The following DIAPH2 variants were observed in gnomAD, a reference collection of about 807,000 sequenced individuals.
DIAPH2 encodes protein diaphanous homolog 2.
DIAPH2 carries 35 observed loss-of-function variants against 92.7 expected under a neutral mutation model. That is an observed-to-expected ratio of 0.38 (90% CI 0.29 to 0.50). The LOEUF (loss-of-function observed/expected upper bound fraction) is 0.50. DIAPH2 is among the 20% of genes least tolerant of loss of function. DIAPH2 has a pLI of 0.94. For missense variants in DIAPH2, 701 were observed against 819.5 expected (o/e 0.86, Z 1.77); for synonymous variants, 301 against 280.4 (o/e 1.07, Z -0.73).
chrX:96,750,668 TTATA>T (rs2064181298), intron 3 of DIAPH2, among the ~76,000 whole-genome samples: 1 of 112,547 alleles, frequency 8.9e-6, no homozygotes, highest in East Asian at 2.8e-4. Flanking sequence ...GAAAAGTAGT[TTATA>T]TATGTCATTA....
chrX:96,893,865 C>T (rs1024490421), intron 5 of DIAPH2, among the ~76,000 whole-genome samples: 1 of 111,542 alleles, frequency 9.0e-6, no homozygotes, highest in Non-Finnish European at 1.9e-5. Context: ...CACTAGATAA[C>T]AGTATTTGCT....
chrX:97,054,704 A>C (rs1423908566), intron 17 of DIAPH2, among the ~76,000 whole-genome samples: 1 of 111,787 alleles, frequency 8.9e-6, no homozygotes, highest in Non-Finnish European at 1.9e-5. Context: ...GGTGCTATTA[A>C]GTTAATTTGG....
chrX:96,837,410 T>C (rs1159417691), intron 4 of DIAPH2, among the ~76,000 whole-genome samples: 5 of 62,518 alleles, frequency 8.0e-5, no homozygotes, highest in East Asian at 6.7e-4. Flanking sequence ...CCTCCCTCTC[T>C]CTCTCTCTCT....
intron 23 of DIAPH2, among the ~76,000 whole-genome samples, chrX:97,310,438 C>CGT (rs1428679413): frequency 9.0e-6 from 1 of 111,610 alleles, no homozygotes; most frequent in Non-Finnish European, 1.9e-5. Flanking sequence ...GTGGTATGTT[C>CGT]GTATTTTAGA....
At chrX:97,132,299 C>T (rs2147398591) in intron 21 of DIAPH2, among the ~76,000 whole-genome samples, 1 of 111,506 alleles carries the variant, frequency 9.0e-6, no homozygotes, top group Admixed American at 9.6e-5. Flanking sequence ...GACCTCTTTC[C>T]ACCGTAAATT....
chrX:97,131,127 A>G (rs191328044), intron 21 of DIAPH2, among the ~76,000 whole-genome samples: 2 of 110,499 alleles, frequency 1.8e-5, no homozygotes, highest in Admixed American at 9.8e-5. Context: ...AATAAATAAA[A>G]AAGTGTTCAC....
chrX:97,146,007 C>CTT (rs372292277), intron 22 of DIAPH2, among the ~76,000 whole-genome samples: 1,019 of 43,154 alleles, frequency 0.024, 104 homozygotes, highest in African/African-American at 0.074. Flanking sequence ...TTTCTTCTTC[C>CTT]TTTTTTTTTT....
At chrX:96,794,078 T>A (rs745893224) in intron 4 of DIAPH2, among the ~76,000 whole-genome samples, 10 of 111,624 alleles carry the variant, frequency 9.0e-5, no homozygotes, top group African/African-American at 2.9e-4. Context: ...ACTAACAGAT[T>A]TGATGTATGG....
chrX:97,031,447 A>G (rs1223626200), intron 17 of DIAPH2, among the ~76,000 whole-genome samples: 3 of 111,323 alleles, frequency 2.7e-5, no homozygotes, highest in East Asian at 5.6e-4. Context: ...GCCTACCTCA[A>G]TGCACAAAAG....
rs370885893 is a variant in DIAPH2 at position 97,553,667 on chromosome X, T to TAA, written c.3242-45569_3242-45568dup. Among the ~76,000 whole-genome samples, 434 of 86,849 alleles carry TAA rather than the reference T, an allele frequency of 5.0e-3. 2 individuals are homozygous for TAA. The highest frequency in any genetic ancestry group is 7.1e-3 in the Admixed American group (54 of 7,581). 75.4% of individuals were successfully genotyped at this position (86,849 alleles called of 115,157 possible). A position where few individuals can be genotyped will look rare whatever the true frequency, so the allele number is the denominator to read the frequency against. ...AAAAAACTTAATGCAGTGAGTAGGT[T>TAA]AAAAAAAAAAAAAAAAAAGAAGAAG... is the stretch of plus-strand genomic sequence containing the variant. On this transcript the variant is annotated intron_variant, in intron 26 of 26. Coordinates refer to ENST00000324765, the MANE Select transcript of DIAPH2 (RefSeq NM_006729.5).
chrX:96,830,285 G>A (rs2064843236), intron 4 of DIAPH2, among the ~76,000 whole-genome samples: 1 of 110,880 alleles, frequency 9.0e-6, no homozygotes, highest in African/African-American at 3.3e-5. Context: ...AAATAAATAT[G>A]AGTGGGCCAG....
intron 17 of DIAPH2, among the ~76,000 whole-genome samples, chrX:96,994,698 T>C (rs2066093394): frequency 9.0e-6 from 1 of 111,233 alleles, no homozygotes; most frequent in Non-Finnish European, 1.9e-5. Context: ...CTTACAATCA[T>C]GGCAGAAGGT....
chrX:97,292,572 G>T (rs1166422185), intron 23 of DIAPH2, among the ~76,000 whole-genome samples: 2 of 104,074 alleles, frequency 1.9e-5, no homozygotes, highest in Non-Finnish European at 3.9e-5. Context: ...TTTTGAGACG[G>T]AGTCTCACTC....
chrX:96,700,674 C>T, intron 1 of DIAPH2, among the ~76,000 whole-genome samples: 1 of 112,075 alleles, frequency 8.9e-6, no homozygotes, highest in Non-Finnish European at 1.9e-5. Flanking sequence ...TTGATGCTCT[C>T]AACACACATA....
chrX:96,738,848 A>G, intron 3 of DIAPH2, 86 bp downstream of exon 3: 2 of 743,444 alleles, frequency 2.7e-6, no homozygotes, highest in South Asian at 6.6e-5. Context: ...GTTTGTATGG[A>G]CAGTGTTTAT....
chrX:96,912,568 T>A lies in DIAPH2; in HGVS notation c.732+16T>A, dbSNP rs1569425814. The stretch of plus-strand genomic sequence containing the variant: ...GAATAATAAGGTAAGTAGTATTTAT[T>A]TCTGCCCCTGTCACAAAAGGTGGGA... On this transcript the variant is annotated intron_variant, in intron 7 of 26. Transcript: ENST00000324765. The A allele has an allele frequency of 8.7e-7, 1 of 1,154,721 alleles. No individual in the cohort carries two copies. The highest frequency in any genetic ancestry group is 3.0e-5 in the East Asian group (1 of 33,097).
At position 97,367,088 on chromosome X, in the gene DIAPH2, A is replaced by G. The variant is rs180853147; in HGVS notation, c.3010-16821A>G. Among the ~76,000 whole-genome samples, 5 of 111,689 alleles carry G rather than the reference A, an allele frequency of 4.5e-5. No individual in the cohort carries two copies. In the East Asian group the frequency reaches 1.4e-3, roughly 31 times the overall value. On this transcript the variant is annotated intron_variant, in intron 24 of 26. Coordinates refer to ENST00000324765, the MANE Select transcript of DIAPH2 (RefSeq NM_006729.5). ...AAATCCTCTTATAAGTTATTTGTCC[A>G]ACATGTTAAGCCTAATGGAAAAAAA...
At chrX:96,982,783 T>C (rs1370597064) in intron 17 of DIAPH2, among the ~76,000 whole-genome samples, 1 of 112,507 alleles carries the variant, frequency 8.9e-6, no homozygotes, top group East Asian at 2.8e-4. Context: ...TATAGCTGCA[T>C]GATAGATCAG....
intron 17 of DIAPH2, among the ~76,000 whole-genome samples, chrX:96,989,017 A>T (rs2066050235): frequency 9.0e-6 from 1 of 111,258 alleles, no homozygotes; most frequent in African/African-American, 3.3e-5. Context: ...TTCTGATTTT[A>T]AAAAAAGAAG....
Sources: gnomAD v4.1 joint callset for allele counts (sites outside exome capture counted in the v4.1 genomes callset) on GRCh38, gnomAD v4.1.1 for gene constraint, MANE v1.5 for transcripts, NCBI Gene and HGNC (gene_info 2026-07-23, HGNC 2026-07-21) for gene names.